The following FBXO4 variants were observed in gnomAD, a reference collection of about 807,000 sequenced individuals.
FBXO4 encodes F-box protein 4, also known as F-box only protein 4.
FBXO4 carries 36 observed loss-of-function variants against 43.7 expected under a neutral mutation model. The ratio of observed to expected loss-of-function variants is 0.82; its 90% CI spans 0.63 to 1.09. The LOEUF (loss-of-function observed/expected upper bound fraction) is 1.09. Among genes scored for constraint, FBXO4 ranks in the 50% least tolerant of loss-of-function variants. The pLI, the probability that FBXO4 is intolerant of heterozygous loss-of-function variation, is 0.00. For synonymous variants in FBXO4, 180 were observed against 165.6 expected (o/e 1.09, Z -0.67); for missense variants, 435 against 474.1 (o/e 0.92, Z 0.77).
chr5:42,028,442 C>T, the FBXO4 span, among the ~76,000 whole-genome samples: 5 of 151,756 alleles, frequency 3.3e-5, no homozygotes, highest in African/African-American at 4.8e-5. Context: ...TTCTTACAGA[C>T]AACAGATCAA....
At chr5:41,979,556 C>T in the FBXO4 span, among the ~76,000 whole-genome samples, 1 of 152,198 alleles carries the variant, frequency 6.6e-6, no homozygotes, top group Non-Finnish European at 1.5e-5. Flanking sequence ...GGTTTAACCA[C>T]TCCCAACATG....
chr5:41,979,651 T>G, the FBXO4 span, among the ~76,000 whole-genome samples: 1 of 152,166 alleles, frequency 6.6e-6, no homozygotes, highest in Non-Finnish European at 1.5e-5. Flanking sequence ...CCAGTGCAAG[T>G]TGGTGCCAGC....
At chr5:41,966,107 T>C in the FBXO4 span, among the ~76,000 whole-genome samples, 2 of 151,712 alleles carry the variant, frequency 1.3e-5, no homozygotes, top group East Asian at 3.9e-4. Flanking sequence ...TGAGAACACA[T>C]GGACACAGGA....
chr5:42,012,257 G>A, the FBXO4 span, among the ~76,000 whole-genome samples: 2 of 152,176 alleles, frequency 1.3e-5, no homozygotes, highest in Non-Finnish European at 2.9e-5. Context: ...AATGCCCTGA[G>A]AGAGGGCTAG....
At position 41,941,246 on chromosome 5, in the gene FBXO4, A is replaced by T. The variant is rs1751998350; in HGVS notation, c.1129A>T (p.Ile377Phe). The T allele has an allele frequency of 6.2e-7, 1 of 1,613,668 alleles. No homozygotes were observed. Among genetic ancestry groups the T allele is most frequent in the South Asian group, 1.1e-5 (1 of 91,086 alleles). Reference sequence around the variant, plus strand: ...TGGTTTTTTGAATGGCATTGAGTGGATTCTTGAAGAAGTGGAATCTAAGCG... The same window carrying T: ...TGGTTTTTTGAATGGCATTGAGTGGTTTCTTGAAGAAGTGGAATCTAAGCG... ...LTGFLNGIEWILEEVESKRAR is the reference protein window; with the variant it reads ...LTGFLNGIEWFLEEVESKRAR Residue 377 changes from isoleucine to phenylalanine, a missense_variant, in exon 7 of 7, where the codon ATT becomes TTT. Physicochemically the swap from Ile to Phe is conservative, Grantham distance 21. Transcript: ENST00000281623.
the FBXO4 span, chr5:41,968,248 C>G: frequency 5.5e-6 from 1 of 180,990 alleles, no homozygotes; most frequent in Non-Finnish European, 1.2e-5. Context: ...AGTAAGAGCT[C>G]GTCCGAGGGA....
At chr5:41,934,635 A>G in intron 5 of FBXO4, 2 of 1,143,460 alleles carry the variant, frequency 1.7e-6, no homozygotes, top group Non-Finnish European at 2.2e-6. Flanking sequence ...CTAGAGCTAT[A>G]CAATATTTTT....
At chr5:41,949,418 C>T in the FBXO4 span, among the ~76,000 whole-genome samples, 1 of 152,102 alleles carries the variant, frequency 6.6e-6, no homozygotes, top group Non-Finnish European at 1.5e-5. Context: ...TTCTTATACA[C>T]CAATAACAGA....
intron 3 of FBXO4, among the ~76,000 whole-genome samples, chr5:41,930,440 A>G (rs1046500635): frequency 1.3e-5 from 2 of 152,214 alleles, no homozygotes; most frequent in African/African-American, 2.4e-5. Flanking sequence ...ATTTAGAACA[A>G]TGTCTCTGTT....
At chr5:41,997,014 T>C in the FBXO4 span, among the ~76,000 whole-genome samples, 10 of 152,248 alleles carry the variant, frequency 6.6e-5, no homozygotes, top group Admixed American at 6.5e-4. Context: ...CTGAATAAGA[T>C]TATGACACAA....
At chr5:41,957,155 G>C in the FBXO4 span, among the ~76,000 whole-genome samples, 1 of 151,916 alleles carries the variant, frequency 6.6e-6, no homozygotes, top group Non-Finnish European at 1.5e-5. Context: ...TCTTTCATCA[G>C]TTTTGGAAAA....
At chr5:41,928,065 C>G (rs939893130) in intron 2 of FBXO4, among the ~76,000 whole-genome samples, 2 of 151,884 alleles carry the variant, frequency 1.3e-5, no homozygotes, top group African/African-American at 4.8e-5. Flanking sequence ...TTGAGTTATT[C>G]AGAGCCTTTC....
the FBXO4 span, among the ~76,000 whole-genome samples, chr5:41,958,968 C>T: frequency 3.3e-5 from 5 of 152,254 alleles, no homozygotes; most frequent in Admixed American, 2.0e-4. Flanking sequence ...TTTAAGGAAA[C>T]GCCATACTGG....
the FBXO4 span, among the ~76,000 whole-genome samples, chr5:42,004,666 G>A: frequency 6.6e-6 from 1 of 152,140 alleles, no homozygotes; most frequent in African/African-American, 2.4e-5. Flanking sequence ...AGATAAAAAT[G>A]AATTAGAATT....
At position 41,936,248 on chromosome 5, in the gene FBXO4, TA is replaced by T. The variant is rs1340354625; in HGVS notation, c.898+1944del. Among the ~76,000 whole-genome samples the T allele has an allele frequency of 3.3e-5, 5 of 152,200 alleles. No homozygotes were observed. The East Asian group carries it at 9.6e-4, about 29-fold the overall frequency. ...TGTTGGTATTCTCAGAAAGGGACAT[TA>T]AAATAACTGATTAAGAGATCTAGGT... On this transcript the variant is annotated intron_variant, in intron 5 of 6. Coordinates refer to ENST00000281623, the MANE Select transcript of FBXO4 (RefSeq NM_012176.3).
the FBXO4 span, among the ~76,000 whole-genome samples, chr5:42,037,926 C>T: frequency 6.6e-6 from 1 of 152,088 alleles, no homozygotes; most frequent in Non-Finnish European, 1.5e-5. Context: ...CATTAAACTC[C>T]TCTTCTGCTG....
the FBXO4 span, among the ~76,000 whole-genome samples, chr5:41,961,575 G>A: frequency 6.6e-6 from 1 of 152,168 alleles, no homozygotes; most frequent in South Asian, 2.1e-4. Flanking sequence ...GTTAAGCATG[G>A]GAGCACAGGC....
the FBXO4 span, among the ~76,000 whole-genome samples, chr5:42,030,367 T>C: frequency 3.9e-5 from 6 of 152,092 alleles, no homozygotes; most frequent in East Asian, 1.9e-4. Flanking sequence ...AACGATTCCC[T>C]ATTTAATAAA....
chr5:42,013,314 T>A, the FBXO4 span, among the ~76,000 whole-genome samples: 1 of 152,172 alleles, frequency 6.6e-6, no homozygotes, highest in Non-Finnish European at 1.5e-5. Context: ...AAGGTTTCTA[T>A]AGCCATTCAA....
Sources: gnomAD v4.1 joint callset for allele counts (sites outside exome capture counted in the v4.1 genomes callset) on GRCh38, gnomAD v4.1.1 for gene constraint, MANE v1.5 for transcripts, NCBI Gene and HGNC (gene_info 2026-07-23, HGNC 2026-07-21) for gene names.